The following LMBRD1 variants were observed in gnomAD, a reference collection of about 807,000 sequenced individuals.
The protein encoded by LMBRD1 is lysosomal cobalamin transport escort protein LMBD1.
Under a neutral mutation model 74.8 loss-of-function variants are expected in LMBRD1, and 64 were observed. That is an observed-to-expected ratio of 0.86 (90% confidence interval 0.70 to 1.05). The LOEUF (loss-of-function observed/expected upper bound fraction) is 1.05. Among genes scored for constraint, LMBRD1 ranks in the 50% least tolerant of loss-of-function variants. LMBRD1 has a pLI of 0.00. For synonymous variants in LMBRD1, 204 were observed against 216.3 expected (o/e 0.94, Z 0.50); for missense variants, 652 against 645.9 (o/e 1.01, Z -0.10).
rs147879078 is a variant in LMBRD1 at position 69,783,411 on chromosome 6, C to T, written c.247-2857G>A. Reference sequence around the variant, plus strand: ...TTTTTGAGACAGTGTCTCACTCTGTCACCCAGGCTGCAGTGCAGTGGCATG... The same window carrying T: ...TTTTTGAGACAGTGTCTCACTCTGTTACCCAGGCTGCAGTGCAGTGGCATG... On this transcript the variant is annotated intron_variant, in intron 2 of 15. Transcript: ENST00000649934. Among the ~76,000 whole-genome samples the T allele has an allele frequency of 2.0e-4, 30 of 152,284 alleles. No homozygotes were observed. In the East Asian group the frequency reaches 5.8e-3, roughly 29 times the overall value.
rs1235520055 is a variant in LMBRD1, at chr6:69,674,848, C to G, written c.*1310G>C. Among the ~76,000 whole-genome samples, 1 of 152,114 alleles carries G rather than the reference C, an allele frequency of 6.6e-6. No homozygotes were observed. The highest frequency in any genetic ancestry group is 1.5e-5 in the Non-Finnish European group (1 of 68,028). On this transcript the variant is annotated 3_prime_UTR_variant, in exon 16 of 16. Coordinates refer to ENST00000649934, the MANE Select transcript of LMBRD1 (RefSeq NM_018368.4). ...ACTAGCCAGGCATGGTGGCACATGC[C>G]TGTAATCCCAGCTACTCAGGAGGCT... is the stretch of plus-strand genomic sequence containing the variant.
At chr6:69,791,075 A>C (rs992704915) in intron 1 of LMBRD1, among the ~76,000 whole-genome samples, 4 of 152,250 alleles carry the variant, frequency 2.6e-5, no homozygotes, top group African/African-American at 9.6e-5. Flanking sequence ...AAGTTCACTC[A>C]GAGGTAGAGG....
intron 3 of LMBRD1, among the ~76,000 whole-genome samples, chr6:69,759,056 G>A (rs1397453711): frequency 2.6e-5 from 4 of 152,108 alleles, no homozygotes; most frequent in Non-Finnish European, 4.4e-5. Context: ...TCATCCTACA[G>A]TGGAAGTACT....
At chr6:69,698,036 T>G (rs115583233) in intron 13 of LMBRD1, among the ~76,000 whole-genome samples, 2 of 151,874 alleles carry the variant, frequency 1.3e-5, no homozygotes, top group African/African-American at 4.8e-5. Flanking sequence ...CCTAGTGAGG[T>G]AGGTGAAGGG....
At chr6:69,697,075 T>A (rs1028828287) in intron 14 of LMBRD1, among the ~76,000 whole-genome samples, 1 of 151,282 alleles carries the variant, frequency 6.6e-6, no homozygotes, top group Non-Finnish European at 1.5e-5. Flanking sequence ...GAGCACAGAA[T>A]TTTTGTCAGA....
chr6:69,697,920 A>C (rs1766041949), intron 13 of LMBRD1, among the ~76,000 whole-genome samples: 1 of 152,066 alleles, frequency 6.6e-6, no homozygotes, highest in Non-Finnish European at 1.5e-5. Context: ...TAGCATCTGA[A>C]AGGAATGCTA....
At chr6:69,700,179 T>G (rs1419540196) in intron 12 of LMBRD1, among the ~76,000 whole-genome samples, 3 of 151,876 alleles carry the variant, frequency 2.0e-5, no homozygotes, top group African/African-American at 7.2e-5. Context: ...TTTTATTAGT[T>G]CAAGCCACTA....
rs373105772 is a variant in LMBRD1 at position 69,701,905 on chromosome 6, A to G, written c.964T>C (p.Ser322Pro). ...FILVALLFVI[S>P]LFLSNLDKAL... ...TGTACTTACTTTGACAAGAAGAGAG[A>G]AATTACAAACAGCAATGCAACTAAG... Residue 322 changes from serine (S) to proline (P), a missense_variant, in exon 10 of 16, where the codon TCT becomes CCT. By Grantham distance (74) the Ser-to-Pro change is moderately conservative (BLOSUM62 -1). Around this residue, in one of 3 missense-constraint regions of LMBRD1, gnomAD observed 598 missense variants for 581.8 expected, o/e 1.03. Transcript: ENST00000649934. 6.8e-5 allele frequency: 108 copies of G among 1,598,744 alleles called. No homozygotes were observed. Among genetic ancestry groups the G allele is most frequent in the Non-Finnish European group, 9.2e-5 (107 of 1,167,002 alleles).
intron 3 of LMBRD1, among the ~76,000 whole-genome samples, chr6:69,780,079 C>T (rs1199946965): frequency 6.6e-6 from 1 of 151,586 alleles, no homozygotes; most frequent in Non-Finnish European, 1.5e-5. Context: ...GATCATGGCA[C>T]CCTGTATTGG....
chr6:69,778,956 G>C (rs1234751964), intron 3 of LMBRD1, among the ~76,000 whole-genome samples: 1 of 152,090 alleles, frequency 6.6e-6, no homozygotes, highest in Non-Finnish European at 1.5e-5. Context: ...GGAAGGCCAG[G>C]ATGGGCGGAT....
intron 9 of LMBRD1, among the ~76,000 whole-genome samples, chr6:69,702,766 A>G (rs1462482041): frequency 6.6e-6 from 1 of 152,126 alleles, no homozygotes. Context: ...GAAGAGTCCC[A>G]GTAAGCACAG....
At chr6:69,692,633 C>T (rs763903743) in intron 14 of LMBRD1, among the ~76,000 whole-genome samples, 39 of 151,902 alleles carry the variant, frequency 2.6e-4, no homozygotes, top group Non-Finnish European at 7.4e-5. Flanking sequence ...TTTTTCTCTG[C>T]TTGAAATATC....
chr6:69,772,206 G>C (rs1199711944), intron 3 of LMBRD1, among the ~76,000 whole-genome samples: 1 of 152,176 alleles, frequency 6.6e-6, no homozygotes, highest in Non-Finnish European at 1.5e-5. Context: ...TGGGCATATA[G>C]GTGATATTTA....
In LMBRD1 at chr6:69,738,005, A is replaced by G; in HGVS notation, c.573T>C (p.Ala191=). The G allele has an allele frequency of 6.2e-7, 1 of 1,608,624 alleles. No homozygotes were observed. The highest frequency in any genetic ancestry group is 8.5e-7 in the Non-Finnish European group (1 of 1,176,442). The stretch of plus-strand genomic sequence containing the variant: ...GAGAACTGATAGAAAATGACAATGC[A>G]GCTAAACCATCTGTGAAGAAAGAAA... ...FEELGSSHGL[A]ALSFSISSLT... is the part of the protein sequence containing the mutation. Residue 191 remains alanine, a synonymous_variant, in exon 7 of 16, where the codon GCT becomes GCC. Coordinates refer to ENST00000649934, the MANE Select transcript of LMBRD1 (RefSeq NM_018368.4).
At chr6:69,735,190 T>C (rs571611073) in intron 7 of LMBRD1, among the ~76,000 whole-genome samples, 55 of 152,288 alleles carry the variant, frequency 3.6e-4, no homozygotes, top group Admixed American at 9.8e-4. Flanking sequence ...CTAGCTCAGG[T>C]TGCAAGGCAG....
At chr6:69,796,789 G>T (rs772173954) in intron 1 of LMBRD1, 24 bp downstream of exon 1, 1 of 1,611,240 alleles carries the variant, frequency 6.2e-7, no homozygotes, top group South Asian at 1.1e-5. Context: ...CAAACATGGG[G>T]AAAACTCCAA....
intron 14 of LMBRD1, among the ~76,000 whole-genome samples, chr6:69,693,744 ATGGGGTGG>A (rs1211556860): frequency 7.9e-5 from 12 of 151,790 alleles, no homozygotes; most frequent in African/African-American, 2.9e-4. Context: ...AAGGGTAGGG[ATGGGGTGG>A]CATCCCTACC....
intron 7 of LMBRD1, among the ~76,000 whole-genome samples, chr6:69,719,877 G>A (rs1246347382): frequency 6.6e-6 from 1 of 152,048 alleles, no homozygotes; most frequent in Non-Finnish European, 1.5e-5. Flanking sequence ...TTTACCCCGT[G>A]CCCCCTGTTA....
intron 7 of LMBRD1, among the ~76,000 whole-genome samples, chr6:69,728,743 A>G (rs1488347178): frequency 6.6e-6 from 1 of 152,140 alleles, no homozygotes; most frequent in African/African-American, 2.4e-5. Context: ...TCACTCTAAT[A>G]CCCAAGTCAA....
Sources: allele counts gnomAD v4.1 joint callset (sites outside exome capture counted in the v4.1 genomes callset), GRCh38; gene constraint gnomAD v4.1.1; regional missense constraint gnomAD v4.1.1; transcripts MANE v1.5; gene names NCBI Gene and HGNC (gene_info 2026-07-23, HGNC 2026-07-21).